TNK1: variants seen among roughly 807,000 people sequenced by gnomAD.
The protein encoded by TNK1 is tyrosine kinase non receptor 1, also known as non-receptor tyrosine-protein kinase TNK1.
Under a neutral mutation model 65.2 loss-of-function variants are expected in TNK1, and 53 were observed. That is an observed-to-expected ratio of 0.81 (90% CI 0.65 to 1.02). The LOEUF (loss-of-function observed/expected upper bound fraction) is 1.02, where lower values mean the gene tolerates loss of function less well. TNK1 is among the 50% of genes least tolerant of loss of function. TNK1 has a pLI of 0.00. For missense variants in TNK1, 837 were observed against 878.4 expected (o/e 0.95, Z 0.60); for synonymous variants, 353 against 364.6 (o/e 0.97, Z 0.36).
rs112580083 is a variant in TNK1 at position 7,383,380 on chromosome 17, G to A, written c.235-45G>A. The A allele has an allele frequency of 2.5e-6, 4 of 1,613,906 alleles. No homozygotes were observed. In the East Asian group the frequency reaches 6.7e-5, roughly 27 times the overall value. ...ATGAGGTGGCTTGAGGGGCAGGGAG[G>A]GGGGCGCAGGGCTCTGCATACCGGA... On this transcript the variant is annotated intron_variant, in intron 3 of 12. Transcript: ENST00000688331.
Position 7,389,182 on chromosome 17 carries a change from G to A in TNK1, c.*98G>A. On this transcript the variant is annotated 3_prime_UTR_variant, in exon 13 of 13. Transcript: ENST00000688331. ...GCGGAACCAGAACAAGGTCCCGACA[G>A]GGGTAGACGTTCCACCTGGGGAGAT... 2.0e-6 allele frequency: 2 copies of A among 981,736 alleles called. No individual in the cohort carries two copies. The highest frequency in any genetic ancestry group is 1.5e-6 in the Non-Finnish European group (1 of 660,170). 60.8% of individuals were successfully genotyped at this position (981,736 alleles called of 1,614,324 possible).
intron 8 of TNK1, 29 bp from the exon 9 acceptor site, chr17:7,386,961 A>G: frequency 6.6e-7 from 1 of 1,522,854 alleles, no homozygotes; most frequent in East Asian, 2.5e-5. Context: ...CCTTATTCCC[A>G]TCCTATTTAC....
intron 6 of TNK1, 39 bp from the exon 7 acceptor site, chr17:7,384,445 C>G: frequency 6.7e-7 from 1 of 1,482,776 alleles, no homozygotes; most frequent in East Asian, 2.4e-5. Flanking sequence ...CTCCAAGGAG[C>G]ACGTGTCCCG....
At position 7,384,229 on chromosome 17, in the gene TNK1, G is replaced by T; in HGVS notation, c.842G>T (p.Gly281Val). 1 of 1,505,924 alleles carries T rather than the reference G, an allele frequency of 6.6e-7. No homozygotes were observed. 93.3% of individuals were successfully genotyped at this position (1,505,924 alleles called of 1,614,324 possible). A position where few individuals can be genotyped will look rare whatever the true frequency, so the allele number is the denominator to read the frequency against. ...GCCCGGGGCCGCTACGTCATGGGCG[G>T]GCCCCGCCCTATCCCCTACGCCTGG... Reference protein sequence around the residue: ...GGARGRYVMGGPRPIPYAWCA... With the variant: ...GGARGRYVMGVPRPIPYAWCA... Residue 281 changes from glycine to valine, a missense_variant, in exon 6 of 13, where the codon GGG becomes GTG. Transcript: ENST00000688331.
At chr17:7,385,609 A>G (rs570549625) in intron 7 of TNK1, among the ~76,000 whole-genome samples, 25 of 151,890 alleles carry the variant, frequency 1.6e-4, no homozygotes, top group South Asian at 1.5e-3. Flanking sequence ...CTGTCACCCT[A>G]GCTGGAGTGC....
chr17:7,384,800 A>G (rs1203393881), intron 7 of TNK1, 46 bp downstream of exon 7: 1 of 1,536,942 alleles, frequency 6.5e-7, no homozygotes, highest in African/African-American at 1.4e-5. Context: ...TCTTCCCTCC[A>G]TTCGCTCTCC....
Position 7,384,553 on chromosome 17 carries a change from G to T in TNK1, c.936G>T (p.Thr312=). The change falls in exon 7 of 13, where the codon ACG becomes ACT. Residue 312 remains threonine, a synonymous_variant. Coordinates refer to ENST00000688331, the MANE Select transcript of TNK1 (RefSeq NM_003985.6). ...CGGACGTGTGGATGTTTGGGGTGACGCTGTGGGAGATGTTCTCCGGGGGCG... is the reference window on the plus strand; with the variant it reads ...CGGACGTGTGGATGTTTGGGGTGACTCTGTGGGAGATGTTCTCCGGGGGCG... ...SASDVWMFGV[T]LWEMFSGGEE... is the part of the protein sequence containing the mutation. 1 of 1,610,076 alleles carries T rather than the reference G, an allele frequency of 6.2e-7. No homozygotes were observed. The highest frequency in any genetic ancestry group is 8.5e-7 in the Non-Finnish European group (1 of 1,177,826).
intron 7 of TNK1, among the ~76,000 whole-genome samples, chr17:7,385,121 T>C (rs2143123302): frequency 6.6e-6 from 1 of 151,968 alleles, no homozygotes; most frequent in African/African-American, 2.4e-5. Flanking sequence ...TCCCAGCACT[T>C]TGGGAGGCGG....
At chr17:7,386,709 T>C in intron 8 of TNK1, 54 bp downstream of exon 8, 1 of 1,410,006 alleles carries the variant, frequency 7.1e-7, no homozygotes, top group Non-Finnish European at 9.8e-7. Context: ...CCTCCCAGCC[T>C]AATTCCTGAT....
chr17:7,385,708 G>GGA (rs1905146431), intron 7 of TNK1, among the ~76,000 whole-genome samples: 1 of 152,064 alleles, frequency 6.6e-6, no homozygotes, highest in Non-Finnish European at 1.5e-5. Flanking sequence ...GGGATTACAG[G>GGA]CGCCTGCCAC....
rs1905427133 is a variant in TNK1, at chr17:7,389,218, G to A, written c.*134G>A. On this transcript the variant is annotated 3_prime_UTR_variant, in exon 13 of 13. Coordinates refer to ENST00000688331, the MANE Select transcript of TNK1 (RefSeq NM_003985.6). ...TCCACCTGGGGAGATCCCACCTGCC[G>A]TAGGCACATGGAGGAGGAGCCCAGA... 5 of 688,402 alleles carry A rather than the reference G, an allele frequency of 7.3e-6. No individual in the cohort carries two copies. The highest frequency in any genetic ancestry group is 1.8e-5 in the African/African-American group (1 of 55,606). 42.6% of individuals were successfully genotyped at this position (688,402 alleles called of 1,614,324 possible).
In TNK1 at chr17:7,388,868, C is replaced by T; in HGVS notation, c.1857C>T (p.Ala619=). The change falls in exon 12 of 13, where the codon GCC becomes GCT. Residue 619 remains alanine, a synonymous_variant. Transcript: ENST00000688331. The surrounding 1 kb of genome is among the most constrained non-coding windows in gnomAD (Gnocchi z 4.5). ...LGATGGDVVS[A]IRNLKVDQLF... ...CCACTGGGGGAGATGTGGTTTCTGC[C>T]ATCCGGAACCTCAAGGTAAAGCCAG... 6.3e-7 allele frequency: 1 copy of T among 1,598,852 alleles called. No homozygotes were observed. The highest frequency in any genetic ancestry group is 8.5e-7 in the Non-Finnish European group (1 of 1,172,794).
In TNK1 at chr17:7,383,233, ATTCTGGCCTCCCAC is replaced by A. The variant is rs1211170482; in HGVS notation, c.164-16_164-3del. On this transcript the variant is annotated splice_region_variant and splice_polypyrimidine_tract_variant and intron_variant, in intron 2 of 12. Coordinates refer to ENST00000688331, the MANE Select transcript of TNK1 (RefSeq NM_003985.6). ...CACACCCACCTCCACTCCAGCCCTGATTCTGGCCTCCCACAGCCCAGCGCAGACTGTCCGAAGCT... is the reference window on the plus strand; with the variant it reads ...CACACCCACCTCCACTCCAGCCCTGAAGCCCAGCGCAGACTGTCCGAAGCT... 3 of 1,613,722 alleles carry A rather than the reference ATTCTGGCCTCCCAC, an allele frequency of 1.9e-6. No homozygotes were observed. The African/African-American group carries it at 4.0e-5, about 22-fold the overall frequency.
Position 7,386,904 on chromosome 17 carries a change from T to C in TNK1, c.1233-86T>C. The C allele has an allele frequency of 4.1e-6, 6 of 1,448,490 alleles. 1 individual carries two copies. The South Asian group carries it at 7.1e-5, about 17-fold the overall frequency. The allele number at this position is 1,448,490 out of a possible 1,614,324, so 89.7% of individuals were successfully genotyped here. A position where few individuals can be genotyped will look rare whatever the true frequency, so the allele number is the denominator to read the frequency against. ...CAGGCAGATGCGGCTCCAAGGCACA[T>C]AGCCTAGTGAGCTGACTGTGGGCCA... is the stretch of plus-strand genomic sequence containing the variant. On this transcript the variant is annotated intron_variant, in intron 8 of 12. Coordinates refer to ENST00000688331, the MANE Select transcript of TNK1 (RefSeq NM_003985.6).
In TNK1 at chr17:7,382,385, C is replaced by T. The variant is rs1049266010; in HGVS notation, c.-91-451C>T. Among the ~76,000 whole-genome samples, 4 of 151,922 alleles carry T rather than the reference C, an allele frequency of 2.6e-5. No homozygotes were observed. Among genetic ancestry groups the T allele is most frequent in the Admixed American group, 6.6e-5 (1 of 15,244 alleles). On this transcript the variant is annotated intron_variant, in intron 1 of 12. Coordinates refer to ENST00000688331, the MANE Select transcript of TNK1 (RefSeq NM_003985.6). This position sits in a 1 kb window ranked among gnomAD's most constrained non-coding sequence, Gnocchi z 4.1. ...GAGGCAGTGTACCTTCGTGTGTGTG[C>T]GTGCTCTACCTACATGTCTGAGGTA...
At position 7,383,721 on chromosome 17, in the gene TNK1, G is replaced by A. The variant is rs778168921; in HGVS notation, c.439G>A (p.Val147Ile). 3.1e-6 allele frequency: 5 copies of A among 1,612,152 alleles called. No homozygotes were observed. The highest frequency in any genetic ancestry group is 2.7e-5 in the African/African-American group (2 of 75,032). The change falls in exon 5 of 13, where the codon GTC (valine) becomes ATC (isoleucine). Residue 147 changes from valine (V) to isoleucine (I), a missense_variant. Transcript: ENST00000688331. ...CCCCCACCTCCAGGTCCCAGTGGCT[G>A]TCAAGTCCCTCCGGGTAGGTCCCGA... ...LPSGKSVPVA[V>I]KSLRVGPEGP... is the part of the protein sequence containing the mutation.
Position 7,382,125 on chromosome 17 carries a change from G to A in TNK1, c.-91-711G>A, listed in dbSNP as rs1904852793. Among the ~76,000 whole-genome samples the A allele has an allele frequency of 6.6e-6, 1 of 152,186 alleles. No individual in the cohort carries two copies. The highest frequency in any genetic ancestry group is 2.1e-4 in the South Asian group (1 of 4,828). On this transcript the variant is annotated intron_variant, in intron 1 of 12. Coordinates refer to ENST00000688331, the MANE Select transcript of TNK1 (RefSeq NM_003985.6). This position sits in a 1 kb window ranked among gnomAD's most constrained non-coding sequence, Gnocchi z 4.1. ...TACTAAAAATACAAAAAATAGCCGG[G>A]CATGGTGGCACGCGCCTGTAGTCCC...
Position 7,383,609 on chromosome 17 carries a change from G to T in TNK1, c.419G>T (p.Gly140Val). 6.2e-7 allele frequency: 1 copy of T among 1,600,032 alleles called. No individual in the cohort carries two copies. Among genetic ancestry groups the T allele is most frequent in the South Asian group, 1.1e-5 (1 of 89,146 alleles). The change falls in exon 4 of 13, where the codon GGC becomes GTC. Residue 140 changes from glycine to valine, a missense_variant. Coordinates refer to ENST00000688331, the MANE Select transcript of TNK1 (RefSeq NM_003985.6). Reference protein sequence around the residue: ...VHRGLWTLPSGKSVPVAVKSL... With the variant: ...VHRGLWTLPSVKSVPVAVKSL... ...CGAGGGCTGTGGACGCTGCCCAGTG[G>T]CAAGAGTGTGAGTGTCCAGGGAGCC...
In TNK1 at chr17:7,386,691, G is replaced by A. The variant is rs1022300637; in HGVS notation, c.1232+36G>A. 6.0e-6 allele frequency: 9 copies of A among 1,507,304 alleles called. 2 individuals are homozygous for A. The highest frequency in any genetic ancestry group is 1.4e-5 in the African/African-American group (1 of 72,294). The allele number at this position is 1,507,304 out of a possible 1,614,324, so 93.4% of individuals were successfully genotyped here. On this transcript the variant is annotated intron_variant, in intron 8 of 12. Coordinates refer to ENST00000688331, the MANE Select transcript of TNK1 (RefSeq NM_003985.6). ...CATACCTCCCAAGCACCCTCAGGAG[G>A]AGGATACCCTCCCAGCCTAATTCCT...
Sources: gnomAD v4.1 joint callset for allele counts (sites outside exome capture counted in the v4.1 genomes callset) on GRCh38, gnomAD v4.1.1 for gene constraint, Gnocchi (gnomAD v3.1) non-coding constraint, MANE v1.5 for transcripts, NCBI Gene and HGNC (gene_info 2026-07-23, HGNC 2026-07-21) for gene names.